ZFPM1: variants seen among roughly 807,000 people sequenced by gnomAD.
The protein encoded by ZFPM1 is zinc finger protein, FOG family member 1.
A neutral mutation model predicts 46.3 loss-of-function variants in ZFPM1; 28 were observed. That is an observed-to-expected ratio of 0.60 (90% CI 0.45 to 0.83). ZFPM1 has a LOEUF of 0.83. Ranked by LOEUF, ZFPM1 falls within the 40% of genes least tolerant of loss-of-function variation. The pLI, the probability that ZFPM1 is intolerant of heterozygous loss-of-function variation, is 0.00. For synonymous variants in ZFPM1, 957 were observed against 675.9 expected, an observed-to-expected ratio of 1.42 and a Z score of -6.45; for missense variants, 1,878 against 1,432.4, an observed-to-expected ratio of 1.31 and a Z score of -5.02.
chr16:88,512,132 G>T (rs1341579747), intron 3 of ZFPM1, among the ~76,000 whole-genome samples: 2 of 152,248 alleles, frequency 1.3e-5, no homozygotes, highest in African/African-American at 2.4e-5. Context: ...TTATCTGGGA[G>T]GCTTGGCCGG....
At chr16:88,519,063 T>TGGAC (rs1239911052) in intron 4 of ZFPM1, among the ~76,000 whole-genome samples, 1 of 142,824 alleles carries the variant, frequency 7.0e-6, no homozygotes, top group Non-Finnish European at 1.5e-5. Context: ...GATGGATGGA[T>TGGAC]GGATGGATGG....
intron 4 of ZFPM1, among the ~76,000 whole-genome samples, chr16:88,519,477 T>C (rs1012216237): frequency 2.0e-5 from 3 of 149,846 alleles, no homozygotes; most frequent in Non-Finnish European, 3.0e-5. Flanking sequence ...GATGGATGGA[T>C]AGACATATGG....
At chr16:88,453,720 C>A in intron 1 of ZFPM1, 42 bp downstream of exon 1, 1 of 1,152,310 alleles carries the variant, frequency 8.7e-7, no homozygotes, top group Non-Finnish European at 1.1e-6. Flanking sequence ...CGCGCCCGAC[C>A]CCCGCCGGAG....
At position 88,505,097 on chromosome 16, in the gene ZFPM1, G is replaced by C. The variant is rs188763021; in HGVS notation, c.269-9290G>C. On this transcript the variant is annotated intron_variant, in intron 3 of 9. Coordinates refer to ENST00000319555, the MANE Select transcript of ZFPM1 (RefSeq NM_153813.3). Reference sequence around the variant, plus strand: ...CAGGCGATAGGAAGACAAGTTCACAGGCACCAGCTGGCGGGTGGGCGGGGC... The same window carrying C: ...CAGGCGATAGGAAGACAAGTTCACACGCACCAGCTGGCGGGTGGGCGGGGC... Among the ~76,000 whole-genome samples, 620 of 152,380 alleles carry C rather than the reference G, an allele frequency of 4.1e-3. 5 individuals carry two copies. Among genetic ancestry groups the C allele is most frequent in the African/African-American group, 0.014 (594 of 41,598 alleles).
At chr16:88,510,675 AC>A (rs1231617856) in intron 3 of ZFPM1, among the ~76,000 whole-genome samples, 2 of 151,888 alleles carry the variant, frequency 1.3e-5, no homozygotes, top group African/African-American at 4.8e-5. Context: ...TCCTCAGGAG[AC>A]CCGTCTAGAG....
intron 3 of ZFPM1, among the ~76,000 whole-genome samples, chr16:88,496,662 C>A (rs944525628): frequency 6.6e-6 from 1 of 151,976 alleles, no homozygotes; most frequent in African/African-American, 2.4e-5. Context: ...GGAGAGAAAG[C>A]AACAGAGAGG....
At chr16:88,528,330 C>A in intron 6 of ZFPM1, 92 bp downstream of exon 6, 1 of 1,369,280 alleles carries the variant, frequency 7.3e-7, no homozygotes, top group Non-Finnish European at 9.8e-7. Flanking sequence ...GTGGGAAGCT[C>A]GGGGGCTGCA....
intron 1 of ZFPM1, among the ~76,000 whole-genome samples, chr16:88,462,654 G>C (rs1597228044): frequency 6.6e-6 from 1 of 152,222 alleles, no homozygotes; most frequent in Admixed American, 6.5e-5. Flanking sequence ...CCTGTGGGCC[G>C]CCATGGTTGG....
rs377542161 is a variant in ZFPM1, at chr16:88,469,179, C to G, written c.40+15501C>G. 3 of 153,164 alleles carry G rather than the reference C, an allele frequency of 2.0e-5. No homozygotes were observed. Among genetic ancestry groups the G allele is most frequent in the African/African-American group, 7.2e-5 (3 of 41,500 alleles). 9.5% of individuals were successfully genotyped at this position (153,164 alleles called of 1,614,324 possible). A position where few individuals can be genotyped will look rare whatever the true frequency, so the allele number is the denominator to read the frequency against. Reference sequence around the variant, plus strand: ...TCCAGACCCTCCTGCAGGCTGCCCCCCACCGCTCCACCCTCTCCCCGCGCT... The same window carrying G: ...TCCAGACCCTCCTGCAGGCTGCCCCGCACCGCTCCACCCTCTCCCCGCGCT... On this transcript the variant is annotated intron_variant, in intron 1 of 9. Coordinates refer to ENST00000319555, the MANE Select transcript of ZFPM1 (RefSeq NM_153813.3). The surrounding 1 kb of genome is among the most constrained non-coding windows in gnomAD (Gnocchi z 4.3).
intron 3 of ZFPM1, among the ~76,000 whole-genome samples, chr16:88,508,365 G>C (rs1254908251): frequency 6.6e-6 from 1 of 152,224 alleles, no homozygotes; most frequent in South Asian, 2.1e-4. Flanking sequence ...CACCAGGCTT[G>C]GGTTTGTTCC....
intron 2 of ZFPM1, among the ~76,000 whole-genome samples, chr16:88,487,432 T>G (rs138991131): frequency 6.6e-6 from 1 of 152,282 alleles, no homozygotes; most frequent in African/African-American, 2.4e-5. Context: ...GTGGGTGACA[T>G]GAGCTGGGGT....
intron 4 of ZFPM1, 115 bp from the exon 5 acceptor site, chr16:88,526,699 C>A: frequency 8.6e-7 from 1 of 1,167,702 alleles, no homozygotes; most frequent in Non-Finnish European, 1.2e-6. Context: ...ACAGCTTGGC[C>A]TACCAGCCAA....
At chr16:88,525,091 G>T (rs1567552427) in intron 4 of ZFPM1, among the ~76,000 whole-genome samples, 1 of 152,278 alleles carries the variant, frequency 6.6e-6, no homozygotes, top group Admixed American at 6.5e-5. Flanking sequence ...CCCAAAGGCT[G>T]TATCTTGCTA....
At chr16:88,464,603 C>T (rs1410084228) in intron 1 of ZFPM1, among the ~76,000 whole-genome samples, 1 of 152,248 alleles carries the variant, frequency 6.6e-6, no homozygotes, top group Non-Finnish European at 1.5e-5. Flanking sequence ...AGAGAGACCC[C>T]CTACCCCCGC....
chr16:88,494,585 C>T (rs1161105227), intron 3 of ZFPM1, among the ~76,000 whole-genome samples: 2 of 152,120 alleles, frequency 1.3e-5, no homozygotes, highest in African/African-American at 2.4e-5. Context: ...AGGGGGTGTC[C>T]GCGGGCCTCC....
intron 1 of ZFPM1, among the ~76,000 whole-genome samples, chr16:88,468,024 ACCCGCGAGCCCACCGCCCCTCACGCC>A (rs1284478661): frequency 1.9e-4 from 13 of 68,506 alleles, no homozygotes; most frequent in Non-Finnish European, 2.7e-4. Flanking sequence ...CCCCTCACAC[ACCCGCGAGCCCACCGCCCCTCACGCC>A]CCCGCGAGCC....
chr16:88,457,989 A>G (rs1907632447), intron 1 of ZFPM1, among the ~76,000 whole-genome samples: 1 of 152,206 alleles, frequency 6.6e-6, no homozygotes, highest in African/African-American at 2.4e-5. Flanking sequence ...TAAGAATAAT[A>G]TTCATAACAG....
intron 3 of ZFPM1, among the ~76,000 whole-genome samples, chr16:88,504,422 A>G (rs1437504798): frequency 6.6e-6 from 1 of 152,020 alleles, no homozygotes; most frequent in Non-Finnish European, 1.5e-5. Flanking sequence ...CCCTCTCCCC[A>G]CTTCCCAGGC....
chr16:88,495,725 G>C (rs923537239), intron 3 of ZFPM1, among the ~76,000 whole-genome samples: 1 of 152,224 alleles, frequency 6.6e-6, no homozygotes, highest in Non-Finnish European at 1.5e-5. Context: ...TAACATGAGG[G>C]AAGCCGGGGC....
Sources: gnomAD v4.1 joint callset for allele counts (sites outside exome capture counted in the v4.1 genomes callset) on GRCh38, gnomAD v4.1.1 for gene constraint, Gnocchi (gnomAD v3.1) non-coding constraint, MANE v1.5 for transcripts, NCBI Gene and HGNC (gene_info 2026-07-23, HGNC 2026-07-21) for gene names.